Variants in CDYL2 observed in about 807,000 individuals in gnomAD.
CDYL2 encodes the protein chromodomain Y-like protein 2.
In CDYL2, 23 loss-of-function variants were observed where a neutral mutation model predicts 49.4. That is an observed-to-expected ratio of 0.47 (90% CI 0.34 to 0.66). The LOEUF (loss-of-function observed/expected upper bound fraction) is 0.66. Ranked by LOEUF, CDYL2 falls within the 30% of genes least tolerant of loss-of-function variation. The pLI is 0.01. For synonymous variants in CDYL2, 360 were observed against 268.8 expected (o/e 1.34, Z -3.32); for missense variants, 678 against 656.4 (o/e 1.03, Z -0.36).
rs376314033 is a variant in CDYL2, at chr16:80,608,079, C to T, written c.1362+13G>A. 2.0e-4 allele frequency: 305 copies of T among 1,560,432 alleles called. No homozygotes were observed. The highest frequency in any genetic ancestry group is 2.4e-4 in the Non-Finnish European group (280 of 1,151,406). On this transcript the variant is annotated intron_variant, in intron 6 of 6. Coordinates refer to ENST00000570137, the MANE Select transcript of CDYL2 (RefSeq NM_152342.4). Reference sequence around the variant, plus strand: ...ATCAAAAGGACAAGCACGCAGGAGGCGCAGGAACTCACCACGGCACTGCAG... The same window carrying T: ...ATCAAAAGGACAAGCACGCAGGAGGTGCAGGAACTCACCACGGCACTGCAG...
intron 1 of CDYL2, among the ~76,000 whole-genome samples, chr16:80,763,717 G>A (rs189094386): frequency 6.6e-6 from 1 of 152,218 alleles, no homozygotes; most frequent in Non-Finnish European, 1.5e-5. Context: ...ATTAATCTTG[G>A]TTCAGTACAA....
intron 1 of CDYL2, among the ~76,000 whole-genome samples, chr16:80,771,238 T>C (rs75181287): frequency 0.094 from 14,263 of 152,152 alleles, 734 homozygotes; most frequent in African/African-American, 0.11. Flanking sequence ...CCAAATGCAA[T>C]GTCAAGTATA....
chr16:80,790,754 G>C (rs530959867), intron 1 of CDYL2, among the ~76,000 whole-genome samples: 33 of 152,258 alleles, frequency 2.2e-4, no homozygotes, highest in South Asian at 8.3e-4. Flanking sequence ...AGTCAGTCAG[G>C]GGGGTAGGTC....
At chr16:80,769,994 G>A (rs1286925836) in intron 1 of CDYL2, among the ~76,000 whole-genome samples, 3 of 152,014 alleles carry the variant, frequency 2.0e-5, no homozygotes, top group Admixed American at 6.5e-5. Flanking sequence ...AAAGTGTCAG[G>A]TTTTACAAAA....
rs776693746 is a variant in CDYL2 at position 80,612,686 on chromosome 16, G to T, written c.1158C>A (p.Ile386=). ...AGGAGCAGCCAGCAGGCGTGAGGCG[G>T]ATGGTGGCGTAGGGCGTCTGGAACC... ...KAWFQTPYAT[I]RLTPAGCSSY... Residue 386 remains isoleucine, a synonymous_variant, in exon 5 of 7, where the codon ATC becomes ATA. Transcript: ENST00000570137. The surrounding 1 kb of genome is among the most constrained non-coding windows in gnomAD (Gnocchi z 5.0). 1 of 1,613,336 alleles carries T rather than the reference G, an allele frequency of 6.2e-7. No homozygotes were observed. The highest frequency in any genetic ancestry group is 1.1e-5 in the South Asian group (1 of 91,038).
In CDYL2 at chr16:80,612,006, C is replaced by T. The variant is rs1174809665; in HGVS notation, c.1218+620G>A. ...CAATCGTTTCCACATGGGGTGGAGA[C>T]TGCTTTGTGTCCACTGAATCCTTTC... On this transcript the variant is annotated intron_variant, in intron 5 of 6. Coordinates refer to ENST00000570137, the MANE Select transcript of CDYL2 (RefSeq NM_152342.4). The surrounding 1 kb of genome is among the most constrained non-coding windows in gnomAD (Gnocchi z 5.0). 1.3e-5 allele frequency among the ~76,000 whole-genome samples: 2 copies of T among 152,246 alleles called. No individual in the cohort carries two copies. Among genetic ancestry groups the T allele is most frequent in the South Asian group, 2.1e-4 (1 of 4,834 alleles).
At chr16:80,673,676 C>A (rs1234820397) in intron 2 of CDYL2, among the ~76,000 whole-genome samples, 1 of 152,206 alleles carries the variant, frequency 6.6e-6, no homozygotes, top group East Asian at 1.9e-4. Flanking sequence ...TCAAACTCTC[C>A]TAAATGCCTG....
At chr16:80,799,979 G>A (rs1907877571) in intron 1 of CDYL2, among the ~76,000 whole-genome samples, 1 of 152,180 alleles carries the variant, frequency 6.6e-6, no homozygotes, top group South Asian at 2.1e-4. Context: ...AATGACCTCA[G>A]GTGTGATTCG....
At chr16:80,723,042 C>T (rs1418404243) in intron 1 of CDYL2, among the ~76,000 whole-genome samples, 1 of 152,224 alleles carries the variant, frequency 6.6e-6, no homozygotes, top group Non-Finnish European at 1.5e-5. Flanking sequence ...GGTGAAGCCT[C>T]TGAACTGCCA....
At chr16:80,785,461 G>C (rs963671923) in intron 1 of CDYL2, among the ~76,000 whole-genome samples, 1 of 152,090 alleles carries the variant, frequency 6.6e-6, no homozygotes. Context: ...GAGGAAATGA[G>C]AGGACACAAA....
intron 5 of CDYL2, among the ~76,000 whole-genome samples, chr16:80,610,300 T>C (rs1906538129): frequency 6.6e-6 from 1 of 152,184 alleles, no homozygotes; most frequent in Admixed American, 6.5e-5. Context: ...CCACAGGTGC[T>C]TGCCTAGGTG....
At chr16:80,693,817 T>C (rs1461138166) in intron 1 of CDYL2, among the ~76,000 whole-genome samples, 1 of 151,990 alleles carries the variant, frequency 6.6e-6, no homozygotes, top group African/African-American at 2.4e-5. Context: ...AGTGACCTTT[T>C]CTGTACGCAC....
At chr16:80,614,905 A>C (rs1282739952) in intron 4 of CDYL2, among the ~76,000 whole-genome samples, 1 of 150,016 alleles carries the variant, frequency 6.7e-6, no homozygotes, top group South Asian at 2.1e-4. Flanking sequence ...GAGCTGATTT[A>C]TCTCTTCTCA....
chr16:80,767,818 A>C (rs1376133063), intron 1 of CDYL2, among the ~76,000 whole-genome samples: 1 of 152,172 alleles, frequency 6.6e-6, no homozygotes, highest in Non-Finnish European at 1.5e-5. Context: ...AGCTTTTCTA[A>C]AAAGTACGAA....
intron 2 of CDYL2, among the ~76,000 whole-genome samples, chr16:80,664,691 A>G (rs1167718848): frequency 6.6e-6 from 1 of 152,206 alleles, no homozygotes; most frequent in African/African-American, 2.4e-5. Flanking sequence ...CCTGTCCCTC[A>G]AGAAGCAGAA....
intron 2 of CDYL2, among the ~76,000 whole-genome samples, chr16:80,678,443 T>C (rs1306028888): frequency 1.3e-5 from 2 of 152,040 alleles, no homozygotes; most frequent in Admixed American, 6.5e-5. Context: ...CATCAAAAAG[T>C]GGGCGAAGGA....
At chr16:80,624,711 G>C (rs372369890) in intron 3 of CDYL2, among the ~76,000 whole-genome samples, 3 of 151,984 alleles carry the variant, frequency 2.0e-5, no homozygotes, top group African/African-American at 7.3e-5. Context: ...ATCACAGAGA[G>C]GAAAACAGAC....
chr16:80,632,431 A>G (rs1040884941), intron 3 of CDYL2, among the ~76,000 whole-genome samples: 3 of 152,168 alleles, frequency 2.0e-5, no homozygotes, highest in Non-Finnish European at 2.9e-5. Flanking sequence ...TGAAGTTACT[A>G]TTTCATGTGG....
intron 2 of CDYL2, among the ~76,000 whole-genome samples, chr16:80,673,988 T>C (rs1010088132): frequency 1.2e-4 from 19 of 152,062 alleles, no homozygotes; most frequent in Non-Finnish European, 2.4e-4. Flanking sequence ...GGCAAGGAAA[T>C]GGATTCTCCC....
Sources: allele counts gnomAD v4.1 joint callset (sites outside exome capture counted in the v4.1 genomes callset), GRCh38; gene constraint gnomAD v4.1.1; non-coding constraint Gnocchi (gnomAD v3.1); transcripts MANE v1.5; gene names NCBI Gene and HGNC (gene_info 2026-07-23, HGNC 2026-07-21).